SGO2: variants seen among roughly 807,000 people sequenced by gnomAD.
SGO2 encodes shugoshin-like 2.
SGO2 carries 68 observed loss-of-function variants against 99.5 expected under a neutral mutation model. The ratio of observed to expected loss-of-function variants is 0.68; its 90% CI spans 0.56 to 0.84. The LOEUF is 0.84. Among genes scored for constraint, SGO2 ranks in the 40% least tolerant of loss-of-function variants. The probability of loss-of-function intolerance (pLI) is 0.00; values close to 1 mark genes in which losing one functional copy is unlikely to be tolerated. For missense variants in SGO2, 1,350 were observed against 1,436.7 expected (o/e 0.94, Z 0.97); for synonymous variants, 457 against 487.1 (o/e 0.94, Z 0.81).
chr2:200,551,363 A>G lies in SGO2; in HGVS notation c.473+8699A>G, dbSNP rs149956337. 8.5e-5 allele frequency among the ~76,000 whole-genome samples: 13 copies of G among 152,294 alleles called. No homozygotes were observed. The East Asian group carries it at 2.5e-3, about 29-fold the overall frequency. On this transcript the variant is annotated intron_variant, in intron 5 of 8. Coordinates refer to ENST00000357799, the MANE Select transcript of SGO2 (RefSeq NM_152524.6). ...CTGAGGCCATTATGTTAAGTGAAAT[A>G]AACCAAGCACCAAAAGGCAAATATT... is the stretch of plus-strand genomic sequence containing the variant.
At chr2:200,538,795 A>G (rs890692824) in intron 4 of SGO2, among the ~76,000 whole-genome samples, 7 of 152,142 alleles carry the variant, frequency 4.6e-5, no homozygotes, top group African/African-American at 7.2e-5. Context: ...GTGGCTTAGT[A>G]TGATTATTTA....
intron 5 of SGO2, among the ~76,000 whole-genome samples, chr2:200,550,858 GCTT>G (rs1346336849): frequency 6.6e-6 from 1 of 152,120 alleles, no homozygotes; most frequent in Non-Finnish European, 1.5e-5. Flanking sequence ...AAGCTAAAAA[GCTT>G]CTGCACAGCA....
chr2:200,557,634 A>G (rs2032770596), intron 5 of SGO2, among the ~76,000 whole-genome samples: 1 of 152,112 alleles, frequency 6.6e-6, no homozygotes, highest in Admixed American at 6.5e-5. Flanking sequence ...CTGCTTTTTA[A>G]ATTTAATTTT....
At chr2:200,575,289 G>A (rs1053548163) in intron 7 of SGO2, 22 bp from the exon 8 acceptor site, 1 of 1,490,542 alleles carries the variant, frequency 6.7e-7, no homozygotes, top group Admixed American at 2.0e-5. Context: ...AAATATTTGT[G>A]AAAAATAATA....
Position 200,569,670 on chromosome 2 carries a change from T to C in SGO2, c.481T>C (p.Leu161=). 2 of 1,602,914 alleles carry C rather than the reference T, an allele frequency of 1.2e-6. No homozygotes were observed. Among genetic ancestry groups the C allele is most frequent in the South Asian group, 2.3e-5 (2 of 88,540 alleles). Residue 161 remains leucine, a synonymous_variant, in exon 6 of 9, where the codon TTA becomes CTA. Coordinates refer to ENST00000357799, the MANE Select transcript of SGO2 (RefSeq NM_152524.6). ...CTTCCCACTTGCCTTTAGGGTTCCA[T>C]TAACTTCAAATGATGATGAAGATGA... ...LMRLPFARVP[L]TSNDDEDEDK... is the part of the protein sequence containing the mutation.
intron 1 of SGO2, chr2:200,532,446 T>C (rs1171181676): frequency 1.0e-6 from 1 of 984,818 alleles, no homozygotes; most frequent in Non-Finnish European, 1.2e-6. Flanking sequence ...TAATCGCTTC[T>C]CCTCTGCATT....
intron 5 of SGO2, among the ~76,000 whole-genome samples, chr2:200,553,321 A>G (rs1465070552): frequency 2.0e-5 from 3 of 152,222 alleles, no homozygotes; most frequent in Non-Finnish European, 4.4e-5. Flanking sequence ...TGAACTGGGC[A>G]ATTGTTGAAA....
rs1337404420 is a variant in SGO2, at chr2:200,573,609, C to T, written c.3263C>T (p.Pro1088Leu). ...AAGAAAAGGAAGACCTCCATAGATC[C>T]TTCTCCAGAGAGCCATGAAGTAATG... The part of the protein sequence containing the change: ...KSKKRKTSID[P>L]SPESHEVMER... Residue 1088 changes from proline (P) to leucine (L), a missense_variant, in exon 7 of 9, where the codon CCT (proline) becomes CTT (leucine). By Grantham distance (98) the Pro-to-Leu change is moderately conservative. Coordinates refer to ENST00000357799, the MANE Select transcript of SGO2 (RefSeq NM_152524.6). 7 of 1,611,096 alleles carry T rather than the reference C, an allele frequency of 4.3e-6. No homozygotes were observed. The highest frequency in any genetic ancestry group is 4.2e-6 in the Non-Finnish European group (5 of 1,178,988).
intron 1 of SGO2, among the ~76,000 whole-genome samples, chr2:200,532,159 A>G (rs1031137475): frequency 1.3e-5 from 2 of 151,952 alleles, no homozygotes; most frequent in African/African-American, 2.4e-5. Flanking sequence ...TGATTGATAA[A>G]GTGAGCTGAG....
chr2:200,572,964 GAAATTT>G lies in SGO2; in HGVS notation c.2620_2625del (p.Asn874_Leu875del). On this transcript the variant is annotated inframe_deletion, in exon 7 of 9. Transcript: ENST00000357799. ...GTTGATCTTCTCATCAAAGATAATG[GAAATTT>G]ATGTGATTATGACACCCAGAATATA... is the stretch of plus-strand genomic sequence containing the variant. 1 of 1,593,470 alleles carries G rather than the reference GAAATTT, an allele frequency of 6.3e-7. No individual in the cohort carries two copies. Among genetic ancestry groups the G allele is most frequent in the Non-Finnish European group, 8.5e-7 (1 of 1,173,356 alleles).
At chr2:200,546,683 TAAAA>T (rs1031835184) in intron 5 of SGO2, among the ~76,000 whole-genome samples, 1 of 151,722 alleles carries the variant, frequency 6.6e-6, no homozygotes, top group African/African-American at 2.4e-5. Flanking sequence ...ATTAAAATAA[TAAAA>T]AAAAGTCAAA....
At chr2:200,562,547 T>G (rs2106334308) in intron 5 of SGO2, among the ~76,000 whole-genome samples, 1 of 152,366 alleles carries the variant, frequency 6.6e-6, no homozygotes, top group East Asian at 1.9e-4. Flanking sequence ...CGGGCTCTTT[T>G]GTGTTTCCAC....
intron 5 of SGO2, among the ~76,000 whole-genome samples, chr2:200,552,950 C>A (rs994041888): frequency 6.6e-6 from 1 of 152,116 alleles, no homozygotes; most frequent in East Asian, 1.9e-4. Flanking sequence ...CATCCGCACC[C>A]CCCCGCCCCC....
chr2:200,571,497 AG>A lies in SGO2; in HGVS notation c.1152del (p.Ser386ValfsTer10), dbSNP rs2033424539. 1 of 1,611,350 alleles carries A rather than the reference AG, an allele frequency of 6.2e-7. No homozygotes were observed. Among genetic ancestry groups the A allele is most frequent in the Admixed American group, 1.7e-5 (1 of 59,380 alleles). Reference sequence around the variant, plus strand: ...GTCACAGTCTCAACAGGCATTAAAAAGAAAAGTAATAAAAAAACAAATGAAC... The same window carrying A: ...GTCACAGTCTCAACAGGCATTAAAAAAAAAGTAATAAAAAAACAAATGAAC... ...KIVTVSTGIK[K>X]KSNKKTNEHG... On this transcript the variant is annotated frameshift_variant, in exon 7 of 9. Transcript: ENST00000357799. LOFTEE classifies it high-confidence loss of function.
At chr2:200,542,340 A>G (rs1430868515) in intron 4 of SGO2, among the ~76,000 whole-genome samples, 10 of 152,204 alleles carry the variant, frequency 6.6e-5, no homozygotes, top group African/African-American at 2.2e-4. Context: ...ATTTATTCCT[A>G]CACATAGAAG....
At chr2:200,529,037 A>G (rs1205134123) in intron 1 of SGO2, among the ~76,000 whole-genome samples, 1 of 152,208 alleles carries the variant, frequency 6.6e-6, no homozygotes, top group Non-Finnish European at 1.5e-5. Context: ...GTTCCCATAT[A>G]GTAGTGGTGA....
At chr2:200,580,636 A>G (rs1479818887) in intron 8 of SGO2, 2 of 274,902 alleles carry the variant, frequency 7.3e-6, no homozygotes, top group Admixed American at 5.2e-5. Context: ...GTCGGAGACC[A>G]GCCTGGGCAA....
chr2:200,531,027 G>A (rs1411758367), intron 1 of SGO2, among the ~76,000 whole-genome samples: 1 of 152,204 alleles, frequency 6.6e-6, no homozygotes, highest in Admixed American at 6.5e-5. Context: ...ATAGCAGTGT[G>A]TTTGTATATT....
intron 7 of SGO2, 60 bp downstream of exon 7, chr2:200,574,037 GT>G: frequency 7.4e-7 from 1 of 1,357,060 alleles, no homozygotes; most frequent in Non-Finnish European, 9.8e-7. Context: ...TTTTGTTTTC[GT>G]TTTTTACTTA....
Sources: allele counts gnomAD v4.1 joint callset (sites outside exome capture counted in the v4.1 genomes callset), GRCh38; gene constraint gnomAD v4.1.1; transcripts MANE v1.5; gene names NCBI Gene and HGNC (gene_info 2026-07-23, HGNC 2026-07-21).